The following ATRX variants were observed in gnomAD, a reference collection of about 807,000 sequenced individuals.
ATRX encodes ATRX chromatin remodeler, also known as chromatin remodeler ATRX.
Under a neutral mutation model 172.6 loss-of-function variants are expected in ATRX, and 12 were observed. The ratio of observed to expected loss-of-function variants is 0.07; its 90% CI spans 0.04 to 0.11. ATRX has a LOEUF of 0.11. Among genes scored for constraint, ATRX ranks in the 10% least tolerant of loss-of-function variants. ATRX has a pLI of 1.00. For missense variants in ATRX, 1,368 were observed against 1,767.4 expected, an observed-to-expected ratio of 0.77 and a Z score of 4.05; for synonymous variants, 674 against 594.7, an observed-to-expected ratio of 1.13 and a Z score of -1.94.
rs2070816025 is a variant in ATRX, at chrX:77,675,405, C to G, written c.3809+821G>C. On this transcript the variant is annotated intron_variant, in intron 10 of 34. Transcript: ENST00000373344. Reference sequence around the variant, plus strand: ...TGTTAGAAATCAGATACCCTTATGCCCATTATTCCAAAATTCCATGCACTA... The same window carrying G: ...TGTTAGAAATCAGATACCCTTATGCGCATTATTCCAAAATTCCATGCACTA... 5 of 111,474 alleles carry G rather than the reference C, an allele frequency of 4.5e-5. No homozygotes were observed. In the South Asian group the frequency reaches 1.9e-3, roughly 42 times the overall value. 9.2% of individuals were successfully genotyped at this position (111,474 alleles called of 1,213,427 possible).
chrX:77,539,409 T>C (rs2063881085), intron 30 of ATRX, among the ~76,000 whole-genome samples: 1 of 111,285 alleles, frequency 9.0e-6, no homozygotes, highest in African/African-American at 3.3e-5. Flanking sequence ...AAAATGTATG[T>C]CATAAATCTA....
Position 77,620,396 on chromosome X carries a change from C to T in ATRX, c.5271G>A (p.Glu1757=), listed in dbSNP as rs141240580. 4.1e-6 allele frequency: 5 copies of T among 1,207,662 alleles called. No individual in the cohort carries two copies. The highest frequency in any genetic ancestry group is 5.6e-6 in the Non-Finnish European group (5 of 892,290). ...TGTPLQNNLI[E]YHCMVNFIKE... Reference sequence around the variant, plus strand: ...GCATAATCAGAGATATTAACTCACACTCAATTAGGTTATTTTGAAGTGGTG... The same window carrying T: ...GCATAATCAGAGATATTAACTCACATTCAATTAGGTTATTTTGAAGTGGTG... Residue 1757 remains glutamate (E), a splice_region_variant and synonymous_variant, in exon 20 of 35, where the codon GAG becomes GAA. Transcript: ENST00000373344.
intron 15 of ATRX, among the ~76,000 whole-genome samples, chrX:77,645,303 T>C (rs2068856125): frequency 9.0e-6 from 1 of 111,059 alleles, no homozygotes; most frequent in African/African-American, 3.3e-5. Context: ...CACATCCAGA[T>C]AATTTTTTAA....
At chrX:77,661,300 T>C (rs1308254775) in intron 12 of ATRX, among the ~76,000 whole-genome samples, 2 of 111,474 alleles carry the variant, frequency 1.8e-5, no homozygotes, top group African/African-American at 6.5e-5. Flanking sequence ...TTGTATACTG[T>C]AAATGGTGAA....
At chrX:77,613,928 T>G (rs1324960528) in intron 22 of ATRX, among the ~76,000 whole-genome samples, 1 of 111,745 alleles carries the variant, frequency 8.9e-6, no homozygotes, top group Non-Finnish European at 1.9e-5. Flanking sequence ...TATAAACTTC[T>G]GATACCTGAC....
intron 15 of ATRX, among the ~76,000 whole-genome samples, chrX:77,647,393 A>G (rs190598366): frequency 8.9e-6 from 1 of 111,892 alleles, no homozygotes; most frequent in East Asian, 2.8e-4. Flanking sequence ...CTAGCTAGAG[A>G]ATAAAAGGAA....
chrX:77,547,249 A>G (rs782168707), intron 30 of ATRX, among the ~76,000 whole-genome samples: 3 of 111,286 alleles, frequency 2.7e-5, no homozygotes, highest in Non-Finnish European at 5.7e-5. Context: ...TCTCCCCAAT[A>G]GAATCTTGCA....
chrX:77,741,036 C>G (rs970030009), intron 1 of ATRX, among the ~76,000 whole-genome samples: 2 of 65,081 alleles, frequency 3.1e-5, no homozygotes, highest in Non-Finnish European at 8.0e-5. Context: ...GACCCTGTCT[C>G]TACACACACA....
chrX:77,683,239 C>T lies in ATRX; in HGVS notation c.2017G>A (p.Val673Ile), dbSNP rs2148609043. 3.3e-6 allele frequency: 4 copies of T among 1,211,078 alleles called. No homozygotes were observed. Among genetic ancestry groups the T allele is most frequent in the Non-Finnish European group, 4.5e-6 (4 of 895,137 alleles). Residue 673 changes from valine (V) to isoleucine (I), a missense_variant, in exon 9 of 35, where the codon GTA becomes ATA. Val to Ile is a conservative substitution (Grantham distance 29). Around this residue, in one of 17 missense-constraint regions of ATRX, gnomAD observed 843 missense variants for 643.1 expected, o/e 1.31. Transcript: ENST00000373344. The part of the protein sequence containing the change: ...PLRRPTETNP[V>I]TSNSDEECNE... ...CATTCTTCATCTGAATTAGATGTTA[C>T]AGGGTTAGTTTCTGTCGGTCGCCTC...
At position 77,522,190 on chromosome X, in the gene ATRX, GGAACCC is replaced by G. The variant is rs2063252006; in HGVS notation, c.6975+67_6975+72del. The G allele has an allele frequency of 2.2e-5, 26 of 1,165,888 alleles. 1 individual carries two copies. In the South Asian group the frequency reaches 4.3e-4, roughly 19 times the overall value. On this transcript the variant is annotated intron_variant, in intron 32 of 34. Coordinates refer to ENST00000373344, the MANE Select transcript of ATRX (RefSeq NM_000489.6). ...TGGAGAATGTGATATTTCTGCATAG[GGAACCC>G]TCAACAACAAGGCACTTGAAATTGC...
At chrX:77,777,218 A>G (rs1254688231) in intron 1 of ATRX, among the ~76,000 whole-genome samples, 1 of 101,397 alleles carries the variant, frequency 9.9e-6, no homozygotes, top group Admixed American at 1.1e-4. Flanking sequence ...AAAAAAAAAA[A>G]AAAAATACAA....
rs143645546 is a variant in ATRX at position 77,728,540 on chromosome X, G to A, written c.21-11297C>T. ...TGCAACTTCTTAAAGCCTATGAAAT[G>A]TTAAATGTGATAGCATTTTTTAACT... is the stretch of plus-strand genomic sequence containing the variant. On this transcript the variant is annotated intron_variant, in intron 1 of 34. Coordinates refer to ENST00000373344, the MANE Select transcript of ATRX (RefSeq NM_000489.6). Among the ~76,000 whole-genome samples, 945 of 111,456 alleles carry A rather than the reference G, an allele frequency of 8.5e-3. 4 individuals carry two copies. Among genetic ancestry groups the A allele is most frequent in the Non-Finnish European group, 0.015 (782 of 53,115 alleles).
intron 1 of ATRX, among the ~76,000 whole-genome samples, chrX:77,765,811 T>C (rs1360768615): frequency 9.2e-6 from 1 of 109,179 alleles, no homozygotes; most frequent in African/African-American, 3.3e-5. Flanking sequence ...CAAAGGTCTC[T>C]GGTTTTCCTA....
intron 26 of ATRX, among the ~76,000 whole-genome samples, chrX:77,590,786 A>C (rs2066220677): frequency 9.0e-6 from 1 of 111,654 alleles, no homozygotes; most frequent in Admixed American, 9.6e-5. Context: ...TAACTGTAAA[A>C]ACTGTAAGAA....
intron 10 of ATRX, chrX:77,674,262 T>C (rs188289963): frequency 1.5e-3 from 171 of 111,712 alleles, no homozygotes; most frequent in African/African-American, 5.3e-3. Flanking sequence ...ATATAATCTA[T>C]ACTAAAATAG....
At chrX:77,702,653 T>C (rs2072596190) in intron 2 of ATRX, among the ~76,000 whole-genome samples, 2 of 110,917 alleles carry the variant, frequency 1.8e-5, no homozygotes, top group African/African-American at 3.3e-5. Context: ...ACTCTGAAAA[T>C]TATAAAACGC....
rs1411232448 is a variant in ATRX at position 77,624,925 on chromosome X, G to A, written c.5135-4393C>T. 5.4e-5 allele frequency among the ~76,000 whole-genome samples: 6 copies of A among 111,517 alleles called. No homozygotes were observed. The South Asian group carries it at 1.5e-3, about 28-fold the overall frequency. ...TTCATATGGAACCAAAAAAGAGCCC[G>A]CATAGCCAAAGCAAGACTAAGCAAA... On this transcript the variant is annotated intron_variant, in intron 19 of 34. Transcript: ENST00000373344.
At chrX:77,541,958 T>A (rs182838724) in intron 30 of ATRX, among the ~76,000 whole-genome samples, 56,946 of 110,157 alleles carry the variant, frequency 0.52, 12,903 homozygotes, top group Non-Finnish European at 0.69. Context: ...GTATTGGAAG[T>A]TCTGGCCAAG....
intron 1 of ATRX, among the ~76,000 whole-genome samples, chrX:77,724,381 G>GAA (rs1224450483): frequency 9.8e-6 from 1 of 102,089 alleles, no homozygotes. Context: ...ATTTGAAAAA[G>GAA]AAAAAAAAAA....
Sources: allele counts gnomAD v4.1 joint callset (sites outside exome capture counted in the v4.1 genomes callset), GRCh38; gene constraint gnomAD v4.1.1; regional missense constraint gnomAD v4.1.1; transcripts MANE v1.5; gene names NCBI Gene and HGNC (gene_info 2026-07-23, HGNC 2026-07-21).